Variants in TMEM200A observed in about 807,000 individuals in gnomAD.
TMEM200A encodes transmembrane protein 200A.
In TMEM200A, 12 loss-of-function variants were observed where a neutral mutation model predicts 24.3. The observed-to-expected ratio is 0.49, with a 90% CI of 0.32 to 0.80. TMEM200A has a LOEUF of 0.80. Ranked by LOEUF, TMEM200A falls within the 30% of genes least tolerant of loss-of-function variation. TMEM200A has a pLI of 0.04. For synonymous variants in TMEM200A, 224 were observed against 224.4 expected, an observed-to-expected ratio of 1.00 and a Z score of 0.02; for missense variants, 545 against 614.4, an observed-to-expected ratio of 0.89 and a Z score of 1.19.
intron 1 of TMEM200A, among the ~76,000 whole-genome samples, chr6:130,367,561 A>G (rs879802478): frequency 6.6e-6 from 1 of 152,242 alleles, no homozygotes; most frequent in Admixed American, 6.5e-5. Context: ...TTATTTGGCT[A>G]CTGATACTAG....
intron 1 of TMEM200A, among the ~76,000 whole-genome samples, chr6:130,368,595 G>T (rs985395309): frequency 1.3e-5 from 2 of 152,172 alleles, no homozygotes; most frequent in African/African-American, 4.8e-5. Context: ...TGTCTGCTGA[G>T]ATCTGATATG....
At chr6:130,377,820 A>G (rs1271538887) in intron 1 of TMEM200A, among the ~76,000 whole-genome samples, 1 of 152,184 alleles carries the variant, frequency 6.6e-6, no homozygotes, top group East Asian at 1.9e-4. Context: ...ATACATGTAT[A>G]ATTTGTTGTG....
chr6:130,392,518 C>T (rs1048290692), intron 2 of TMEM200A, among the ~76,000 whole-genome samples: 5 of 152,256 alleles, frequency 3.3e-5, no homozygotes, highest in Middle Eastern at 3.4e-3. Context: ...GCCTTTTAAG[C>T]CTTTCCGCCT....
At chr6:130,438,224 C>A (rs1016211007) in intron 2 of TMEM200A, 5 of 152,186 alleles carry the variant, frequency 3.3e-5, no homozygotes, top group Non-Finnish European at 7.3e-5. Context: ...CAACAGATTA[C>A]AATTTAGTTT....
rs1251805475 is a variant in TMEM200A, at chr6:130,441,834, G to A, written c.1412G>A (p.Ser471Asn). Reference protein sequence around the residue: ...LMISRSHNNLSFEHDEFLSNN... With the variant: ...LMISRSHNNLNFEHDEFLSNN... Reference sequence around the variant, plus strand: ...ATTTCAAGATCTCACAATAATTTGAGTTTTGAACATGATGAGTTTTTGAGT... The same window carrying A: ...ATTTCAAGATCTCACAATAATTTGAATTTTGAACATGATGAGTTTTTGAGT... The change falls in exon 3 of 3, where the codon AGT becomes AAT. Residue 471 changes from serine to asparagine, a missense_variant. Ser to Asn is a conservative substitution (Grantham distance 46, BLOSUM62 1). Transcript: ENST00000296978. 1 of 1,613,548 alleles carries A rather than the reference G, an allele frequency of 6.2e-7. No individual in the cohort carries two copies. The highest frequency in any genetic ancestry group is 8.5e-7 in the Non-Finnish European group (1 of 1,179,866).
intron 1 of TMEM200A, among the ~76,000 whole-genome samples, chr6:130,373,372 C>T (rs965744150): frequency 1.3e-5 from 2 of 152,160 alleles, no homozygotes; most frequent in Non-Finnish European, 2.9e-5. Context: ...GCCTGTAATC[C>T]TATGACCCAA....
intron 2 of TMEM200A, among the ~76,000 whole-genome samples, chr6:130,432,742 A>AGCTGATATC (rs1779907897): frequency 6.6e-6 from 1 of 152,210 alleles, no homozygotes; most frequent in Non-Finnish European, 1.5e-5. Context: ...AGTCAGACCC[A>AGCTGATATC]GCTGATATCA....
chr6:130,382,986 C>A, intron 1 of TMEM200A: 5 of 984,520 alleles, frequency 5.1e-6, no homozygotes, highest in Non-Finnish European at 6.0e-6. Context: ...GATCAGGAAG[C>A]AAACCATCTC....
At chr6:130,407,683 C>T (rs746914883) in intron 2 of TMEM200A, among the ~76,000 whole-genome samples, 8 of 152,122 alleles carry the variant, frequency 5.3e-5, no homozygotes, top group Non-Finnish European at 8.8e-5. Context: ...CAAGAAGCTC[C>T]GAGGTGCCTC....
intron 2 of TMEM200A, among the ~76,000 whole-genome samples, chr6:130,398,502 C>G (rs1486622572): frequency 6.6e-6 from 1 of 151,796 alleles, no homozygotes; most frequent in African/African-American, 2.4e-5. Context: ...AGAATATACT[C>G]AGTATACTCA....
chr6:130,427,840 GT>G (rs919707571), intron 2 of TMEM200A, among the ~76,000 whole-genome samples: 1 of 150,482 alleles, frequency 6.6e-6, no homozygotes, highest in Non-Finnish European at 1.5e-5. Flanking sequence ...GAACATTTCT[GT>G]TTTTTTCTTC....
At chr6:130,419,703 A>ATTAC (rs1402300553) in intron 2 of TMEM200A, among the ~76,000 whole-genome samples, 1 of 152,348 alleles carries the variant, frequency 6.6e-6, no homozygotes, top group East Asian at 1.9e-4. Flanking sequence ...GAATCAAGTA[A>ATTAC]TTGAATTTCC....
intron 2 of TMEM200A, among the ~76,000 whole-genome samples, chr6:130,429,392 T>C (rs75151724): frequency 4.6e-5 from 7 of 152,074 alleles, no homozygotes; most frequent in Non-Finnish European, 7.4e-5. Flanking sequence ...CATGGTGTCA[T>C]GCGCCTGTAA....
At chr6:130,407,401 A>G (rs1779230469) in intron 2 of TMEM200A, among the ~76,000 whole-genome samples, 1 of 152,216 alleles carries the variant, frequency 6.6e-6, no homozygotes, top group African/African-American at 2.4e-5. Context: ...GGAGCTTGCT[A>G]CAGTAGGATT....
intron 1 of TMEM200A, among the ~76,000 whole-genome samples, chr6:130,371,729 T>A (rs759616653): frequency 6.6e-6 from 1 of 152,140 alleles, no homozygotes; most frequent in African/African-American, 2.4e-5. Context: ...GGAAAGGGGA[T>A]GGGAAAATTA....
rs1451491200 is a variant in TMEM200A at position 130,440,576 on chromosome 6, C to T, written c.154C>T (p.Arg52Cys). The T allele has an allele frequency of 6.2e-7, 1 of 1,614,036 alleles. No individual in the cohort carries two copies. The highest frequency in any genetic ancestry group is 8.5e-7 in the Non-Finnish European group (1 of 1,179,966). Residue 52 changes from arginine (R) to cysteine (C), a missense_variant, in exon 3 of 3, where the codon CGT becomes TGT. Physicochemically the swap from Arg to Cys is radical, Grantham distance 180 (BLOSUM62 -3). Coordinates refer to ENST00000296978, the MANE Select transcript of TMEM200A (RefSeq NM_001258277.2). Reference sequence around the variant, plus strand: ...GCCCCGGGCAGATGTTGTGGTTGTTCGTGGCAAAATCCGGCTTTATTCCCC... The same window carrying T: ...GCCCCGGGCAGATGTTGTGGTTGTTTGTGGCAAAATCCGGCTTTATTCCCC... ...RRPRADVVVV[R>C]GKIRLYSPSG...
intron 2 of TMEM200A, among the ~76,000 whole-genome samples, chr6:130,435,729 T>G (rs375543636): frequency 3.9e-5 from 6 of 152,220 alleles, no homozygotes; most frequent in African/African-American, 1.4e-4. Flanking sequence ...GCAGAAATTT[T>G]GTTCCCAAGT....
chr6:130,423,593 A>ATACT (rs1554283957), intron 2 of TMEM200A, among the ~76,000 whole-genome samples: 5 of 152,162 alleles, frequency 3.3e-5, no homozygotes, highest in Non-Finnish European at 5.9e-5. Context: ...TTTCCATGTG[A>ATACT]TACTTTAGGA....
At chr6:130,409,241 T>C (rs1779278927) in intron 2 of TMEM200A, among the ~76,000 whole-genome samples, 1 of 152,216 alleles carries the variant, frequency 6.6e-6, no homozygotes, top group South Asian at 2.1e-4. Flanking sequence ...CTGCTTCCCA[T>C]TGGACATGAA....
Sources: allele counts gnomAD v4.1 joint callset (sites outside exome capture counted in the v4.1 genomes callset), GRCh38; gene constraint gnomAD v4.1.1; transcripts MANE v1.5; gene names NCBI Gene and HGNC (gene_info 2026-07-23, HGNC 2026-07-21).